The following CHLSN variants were observed in gnomAD, a reference collection of about 807,000 sequenced individuals.
CHLSN encodes the protein cholesin, also known as protein cholesin.
At chr7:1,037,442 C>T in the CHLSN span, among the ~76,000 whole-genome samples, 11 of 124,352 alleles carry the variant, frequency 8.8e-5, no homozygotes, top group South Asian at 2.1e-3. Flanking sequence ...GACGGGGTTT[C>T]GCTGTGTTGG....
chr7:997,612 C>A, the CHLSN span: 1 of 1,563,652 alleles, frequency 6.4e-7, no homozygotes, highest in East Asian at 2.4e-5. Context: ...GGCCCCGCCC[C>A]GCGCTGAACC....
chr7:1,037,379 C>T, the CHLSN span, among the ~76,000 whole-genome samples: 5 of 134,200 alleles, frequency 3.7e-5, no homozygotes, highest in Non-Finnish European at 6.7e-5. Context: ...CTCAGCCTGC[C>T]GAGTGCCTGC....
chr7:1,131,794 C>T, the CHLSN span, among the ~76,000 whole-genome samples: 1 of 152,162 alleles, frequency 6.6e-6, no homozygotes, highest in Non-Finnish European at 1.5e-5. Flanking sequence ...ATCACTATGT[C>T]TATTTGCTAA....
At chr7:1,109,577 T>C in the CHLSN span, 2 of 152,186 alleles carry the variant, frequency 1.3e-5, no homozygotes, top group Non-Finnish European at 2.9e-5. Context: ...TGCGGTGAGT[T>C]TAGTCTGCAG....
the CHLSN span, chr7:1,093,933 A>G: frequency 3.3e-6 from 1 of 306,536 alleles, no homozygotes; most frequent in Non-Finnish European, 6.5e-6. Context: ...CACCCTGAAA[A>G]CTCTCACAAG....
chr7:1,036,434 GTAGGGTT>G, the CHLSN span, among the ~76,000 whole-genome samples: 1 of 150,482 alleles, frequency 6.6e-6, no homozygotes, highest in Non-Finnish European at 1.5e-5. Context: ...GTGTGGCCGT[GTAGGGTT>G]CGGGTGCTCG....
chr7:1,075,053 G>A, the CHLSN span, among the ~76,000 whole-genome samples: 3 of 152,202 alleles, frequency 2.0e-5, no homozygotes, highest in Non-Finnish European at 4.4e-5. Context: ...ACCAAGAACC[G>A]AAAGGTCTGT....
chr7:1,122,631 C>T, the CHLSN span, among the ~76,000 whole-genome samples: 6 of 152,168 alleles, frequency 3.9e-5, no homozygotes, highest in African/African-American at 1.2e-4. Context: ...CTGGCTCAGC[C>T]GGGGCCCCAC....
At chr7:1,094,121 C>T in the CHLSN span, among the ~76,000 whole-genome samples, 1 of 152,250 alleles carries the variant, frequency 6.6e-6, no homozygotes, top group African/African-American at 2.4e-5. Flanking sequence ...CTAGAAGGCT[C>T]TCGGCCGCGT....
the CHLSN span, among the ~76,000 whole-genome samples, chr7:993,932 C>CG: frequency 2.8e-5 from 4 of 145,262 alleles, no homozygotes; most frequent in Middle Eastern, 7.0e-3. Flanking sequence ...GCTCAGAGGC[C>CG]GCTTCCTCAG....
chr7:1,041,287 G>A, the CHLSN span, among the ~76,000 whole-genome samples: 1 of 120,778 alleles, frequency 8.3e-6, no homozygotes, highest in South Asian at 2.7e-4. Context: ...TGGGCTCCGC[G>A]CTGCGGGGAA....
the CHLSN span, among the ~76,000 whole-genome samples, chr7:1,083,451 C>T: frequency 5.3e-5 from 8 of 151,888 alleles, no homozygotes; most frequent in African/African-American, 1.9e-4. Context: ...AGTAAAACCC[C>T]ATCTCTACTA....
chr7:1,124,145 A>C, the CHLSN span, among the ~76,000 whole-genome samples: 1 of 152,160 alleles, frequency 6.6e-6, no homozygotes, highest in Non-Finnish European at 1.5e-5. Flanking sequence ...TTTAATCAAC[A>C]CGTATTTTAA....
At chr7:1,066,264 G>A in the CHLSN span, among the ~76,000 whole-genome samples, 1 of 147,710 alleles carries the variant, frequency 6.8e-6, no homozygotes, top group East Asian at 1.9e-4. Context: ...ACCGACAAAC[G>A]CAGCAACGGT....
chr7:1,045,631 A>G, the CHLSN span: 1 of 152,250 alleles, frequency 6.6e-6, no homozygotes, highest in South Asian at 2.1e-4. Flanking sequence ...GGCACTGTTA[A>G]TAATTAGACG....
At chr7:987,222 T>C in the CHLSN span, 2 of 1,540,074 alleles carry the variant, frequency 1.3e-6, 1 homozygote, top group South Asian at 2.4e-5. Flanking sequence ...GCACTTCTGA[T>C]GGGCCGGCAC....
chr7:1,019,193 CA>C, the CHLSN span, among the ~76,000 whole-genome samples: 411 of 34,992 alleles, frequency 0.012, 11 homozygotes, highest in East Asian at 0.038. Flanking sequence ...GACTCTGTCT[CA>C]AAAAAAAAAA....
the CHLSN span, chr7:983,399 C>T: frequency 2.0e-6 from 3 of 1,488,310 alleles, no homozygotes; most frequent in Non-Finnish European, 1.8e-6. Flanking sequence ...AGTCAGGGAG[C>T]CCGGGCAGCT....
chr7:1,127,289 C>T, the CHLSN span: 1 of 1,610,088 alleles, frequency 6.2e-7, no homozygotes, highest in Non-Finnish European at 8.5e-7. Context: ...CTTGGTGCAG[C>T]CTCAGGGCCC....
Sources: allele counts gnomAD v4.1 joint callset (sites outside exome capture counted in the v4.1 genomes callset), GRCh38; gene constraint gnomAD v4.1.1; transcripts MANE v1.5; gene names NCBI Gene and HGNC (gene_info 2026-07-23, HGNC 2026-07-21).